The following RGS6 variants were observed in gnomAD, a reference collection of about 807,000 sequenced individuals.
RGS6 encodes regulator of G protein signaling 6, also known as regulator of G-protein signaling 6.
Under a neutral mutation model 78.5 loss-of-function variants are expected in RGS6, and 30 were observed. The ratio of observed to expected loss-of-function variants is 0.38; its 90% confidence interval spans 0.29 to 0.52. RGS6 has a LOEUF of 0.52. Among genes scored for constraint, RGS6 ranks in the 20% least tolerant of loss-of-function variants. The probability of loss-of-function intolerance (pLI) is 0.85; values close to 1 mark genes in which losing one functional copy is unlikely to be tolerated. For missense variants in RGS6, 495 were observed against 609.7 expected, an observed-to-expected ratio of 0.81 and a Z score of 1.98; for synonymous variants, 206 against 206.0, an observed-to-expected ratio of 1.00 and a Z score of 0.00.
intron 3 of RGS6, among the ~76,000 whole-genome samples, chr14:72,425,965 G>A (rs2094418698): frequency 6.6e-6 from 1 of 152,100 alleles, no homozygotes. Context: ...AATCTAAGCG[G>A]TAAAATTGTT....
chr14:72,383,536 A>G (rs2086898380), intron 3 of RGS6, among the ~76,000 whole-genome samples: 1 of 152,130 alleles, frequency 6.6e-6, no homozygotes, highest in Admixed American at 6.6e-5. Context: ...TCTAGTTATT[A>G]TCCAATTATC....
chr14:72,518,600 T>C, intron 15 of RGS6, 63 bp downstream of exon 15: 1 of 1,471,784 alleles, frequency 6.8e-7, no homozygotes, highest in South Asian at 1.2e-5. Flanking sequence ...TTGCCTGACC[T>C]ATTAACACAA....
chr14:72,132,895 G>T (rs78072757), intron 2 of RGS6, among the ~76,000 whole-genome samples: 2 of 151,468 alleles, frequency 1.3e-5, no homozygotes. Flanking sequence ...TGTTTTGTTC[G>T]TAGGGAAGAT....
At chr14:72,440,692 C>A (rs965071307) in intron 3 of RGS6, among the ~76,000 whole-genome samples, 30 of 152,134 alleles carry the variant, frequency 2.0e-4, no homozygotes, top group Non-Finnish European at 1.5e-5. Context: ...GGATTATAAA[C>A]GTGAACCACC....
At chr14:72,029,634 T>A (rs74060465) in intron 2 of RGS6, among the ~76,000 whole-genome samples, 19,793 of 152,186 alleles carry the variant, frequency 0.13, 1,340 homozygotes, top group East Asian at 0.17. Context: ...GATTCCTGCT[T>A]ATTAGCGGTA....
intron 2 of RGS6, among the ~76,000 whole-genome samples, chr14:72,041,814 T>C (rs2092426600): frequency 6.6e-6 from 1 of 152,106 alleles, no homozygotes; most frequent in Non-Finnish European, 1.5e-5. Flanking sequence ...GGGAATGAGA[T>C]CTGGGGCATC....
chr14:71,985,966 G>A (rs1352273515), intron 2 of RGS6, among the ~76,000 whole-genome samples: 1 of 152,098 alleles, frequency 6.6e-6, no homozygotes, highest in Non-Finnish European at 1.5e-5. Flanking sequence ...ATATTTTAAA[G>A]CTAAATACAA....
Position 72,495,260 on chromosome 14 carries a change from G to A in RGS6, c.963G>A (p.Met321Ile), listed in dbSNP as rs755501563. 6.2e-7 allele frequency: 1 copy of A among 1,600,838 alleles called. No individual in the cohort carries two copies. Among genetic ancestry groups the A allele is most frequent in the Admixed American group, 1.7e-5 (1 of 60,004 alleles). The change falls in exon 13 of 18, where the codon ATG (methionine) becomes ATA (isoleucine). Residue 321 changes from methionine (M) to isoleucine (I), a missense_variant and splice_region_variant. Physicochemically the swap from Met to Ile is conservative, Grantham distance 10. Coordinates refer to ENST00000553525, the MANE Select transcript of RGS6 (RefSeq NM_001204424.2). ...ACGTTGCTTTGTGGGACATAGAGAT[G>A]AGGTAAAAAATGTTTTAAGGTTTGG... ...SDDVALWDIE[M>I]SKEPSQQRVK...
At chr14:71,962,561 GTGT>G (rs1344910830) in intron 1 of RGS6, among the ~76,000 whole-genome samples, 2 of 152,176 alleles carry the variant, frequency 1.3e-5, no homozygotes, top group Admixed American at 6.5e-5. Context: ...ATAAAACTGT[GTGT>G]TGTTCATTTA....
At chr14:72,524,944 C>A (rs763254052) in intron 15 of RGS6, among the ~76,000 whole-genome samples, 11 of 152,234 alleles carry the variant, frequency 7.2e-5, no homozygotes, top group Non-Finnish European at 1.3e-4. Flanking sequence ...AGCCCCACTG[C>A]TTTCCTGACC....
intron 2 of RGS6, among the ~76,000 whole-genome samples, chr14:72,206,435 TTATA>T (rs892511173): frequency 2.0e-5 from 3 of 152,146 alleles, no homozygotes; most frequent in African/African-American, 4.8e-5. Flanking sequence ...ACATATGGTA[TTATA>T]TATATAATTT....
intron 3 of RGS6, among the ~76,000 whole-genome samples, chr14:72,409,115 T>A (rs138648482): frequency 3.0e-4 from 46 of 152,328 alleles, no homozygotes; most frequent in Non-Finnish European, 6.3e-4. Context: ...GTCCCTCTTG[T>A]TCAGAGTCGA....
At chr14:72,053,904 C>T (rs1288452900) in intron 2 of RGS6, among the ~76,000 whole-genome samples, 1 of 152,182 alleles carries the variant, frequency 6.6e-6, no homozygotes, top group East Asian at 1.9e-4. Flanking sequence ...GAAGTCAAAA[C>T]ATATTTTCAA....
chr14:72,316,533 A>C (rs566787944), intron 2 of RGS6, among the ~76,000 whole-genome samples: 1 of 152,274 alleles, frequency 6.6e-6, no homozygotes, highest in South Asian at 2.1e-4. Context: ...GATGGTTTCC[A>C]GCTTCATCCA....
At chr14:72,511,377 C>A (rs1235446668) in intron 14 of RGS6, among the ~76,000 whole-genome samples, 1 of 152,200 alleles carries the variant, frequency 6.6e-6, no homozygotes, top group African/African-American at 2.4e-5. Context: ...ACCATCGGTC[C>A]CATACGTCAA....
At chr14:72,093,908 A>G (rs1157396612) in intron 2 of RGS6, among the ~76,000 whole-genome samples, 1 of 152,222 alleles carries the variant, frequency 6.6e-6, no homozygotes, top group African/African-American at 2.4e-5. Context: ...TTCTAGAGGT[A>G]AACAGAACAG....
At chr14:72,241,564 A>G (rs2052838362) in intron 2 of RGS6, among the ~76,000 whole-genome samples, 1 of 152,234 alleles carries the variant, frequency 6.6e-6, no homozygotes, top group Non-Finnish European at 1.5e-5. Context: ...TTTTCCAAGC[A>G]TATATCAAAT....
intron 3 of RGS6, among the ~76,000 whole-genome samples, chr14:72,448,725 A>G (rs898354961): frequency 9.9e-5 from 15 of 152,222 alleles, no homozygotes; most frequent in African/African-American, 3.4e-4. Context: ...GTTTCAGGAA[A>G]AAAACTGAAT....
intron 17 of RGS6, among the ~76,000 whole-genome samples, chr14:72,559,321 C>CAGG (rs2153549598): frequency 6.6e-6 from 1 of 152,348 alleles, no homozygotes; most frequent in African/African-American, 2.4e-5. Flanking sequence ...CTGAAAACTA[C>CAGG]AGGAGTCTCA....
Sources: gnomAD v4.1 joint callset for allele counts (sites outside exome capture counted in the v4.1 genomes callset) on GRCh38, gnomAD v4.1.1 for gene constraint, MANE v1.5 for transcripts, NCBI Gene and HGNC (gene_info 2026-07-23, HGNC 2026-07-21) for gene names.